The following RIMKLA variants were observed in gnomAD, a reference collection of about 807,000 sequenced individuals.
The protein encoded by RIMKLA is ribosomal modification protein rimK like family member A.
Under a neutral mutation model 32.7 loss-of-function variants are expected in RIMKLA, and 14 were observed. The ratio of observed to expected loss-of-function variants is 0.43; its 90% CI spans 0.28 to 0.67. RIMKLA has a LOEUF of 0.67. Ranked by LOEUF, RIMKLA falls within the 30% of genes least tolerant of loss-of-function variation. The pLI is 0.18. For synonymous variants in RIMKLA, 176 were observed against 204.1 expected (o/e 0.86, Z 1.18); for missense variants, 410 against 519.0 (o/e 0.79, Z 2.04).
At chr1:42,405,253 C>T (rs1293030908) in intron 3 of RIMKLA, among the ~76,000 whole-genome samples, 1 of 152,196 alleles carries the variant, frequency 6.6e-6, no homozygotes, top group Non-Finnish European at 1.5e-5. Flanking sequence ...TTGCTCTTCC[C>T]TTTTTGTTTC....
rs903684989 is a variant in RIMKLA at position 42,416,091 on chromosome 1, G to C, written c.*1117G>C. The C allele has an allele frequency of 3.2e-5, 3 of 95,034 alleles. No individual in the cohort carries two copies. Among genetic ancestry groups the C allele is most frequent in the Non-Finnish European group, 4.7e-5 (2 of 42,720 alleles). The allele number at this position is 95,034 out of a possible 1,614,324, so 5.9% of individuals were successfully genotyped here. A position where few individuals can be genotyped will look rare whatever the true frequency, so the allele number is the denominator to read the frequency against. On this transcript the variant is annotated 3_prime_UTR_variant, in exon 5 of 5. Transcript: ENST00000431473. Reference sequence around the variant, plus strand: ...AATTACCCATTGCACATTTTGCGGGGGGGGGGGCTAATGTAGACATGACAC... The same window carrying C: ...AATTACCCATTGCACATTTTGCGGGCGGGGGGGCTAATGTAGACATGACAC...
intron 3 of RIMKLA, among the ~76,000 whole-genome samples, chr1:42,408,892 T>C (rs1296153099): frequency 6.6e-6 from 1 of 152,116 alleles, no homozygotes; most frequent in Non-Finnish European, 1.5e-5. Context: ...TGCTCAGGTC[T>C]GTTAACTAAT....
At chr1:42,383,365 G>A (rs1020485096) in intron 1 of RIMKLA, among the ~76,000 whole-genome samples, 2 of 152,220 alleles carry the variant, frequency 1.3e-5, no homozygotes, top group African/African-American at 2.4e-5. Flanking sequence ...ATTTGTTATG[G>A]AAGTAGATTA....
rs778494409 is a variant in RIMKLA, at chr1:42,418,119, ACT to A, written c.*3149_*3150del. The A allele has an allele frequency of 1.9e-4, 29 of 151,910 alleles. No homozygotes were observed. The highest frequency in any genetic ancestry group is 3.2e-4 in the Non-Finnish European group (22 of 67,982). 9.4% of individuals were successfully genotyped at this position (151,910 alleles called of 1,614,324 possible). On this transcript the variant is annotated 3_prime_UTR_variant, in exon 5 of 5. Coordinates refer to ENST00000431473, the MANE Select transcript of RIMKLA (RefSeq NM_173642.4). Reference sequence around the variant, plus strand: ...CTGGATGTATCGTATATAACCTGAAACTCTCCACTCTTGTATACCAACTAACA... The same window carrying A: ...CTGGATGTATCGTATATAACCTGAAACTCCACTCTTGTATACCAACTAACA...
At chr1:42,381,789 G>T (rs1309992957) in intron 1 of RIMKLA, among the ~76,000 whole-genome samples, 1 of 152,130 alleles carries the variant, frequency 6.6e-6, no homozygotes, top group Non-Finnish European at 1.5e-5. Context: ...GGTAAGACAT[G>T]GTTGTCATCT....
intron 3 of RIMKLA, among the ~76,000 whole-genome samples, chr1:42,407,738 A>G (rs1169452786): frequency 6.6e-6 from 1 of 152,158 alleles, no homozygotes; most frequent in East Asian, 1.9e-4. Flanking sequence ...GTAAGTTTTG[A>G]GATTGGACCC....
chr1:42,388,050 C>T (rs1269933318), intron 1 of RIMKLA, among the ~76,000 whole-genome samples: 1 of 151,968 alleles, frequency 6.6e-6, no homozygotes, highest in African/African-American at 2.4e-5. Flanking sequence ...CAGGGAATAG[C>T]AAGGGGGCCA....
chr1:42,399,286 G>A (rs1320911851), intron 1 of RIMKLA, 118 bp from the exon 2 acceptor site: 2 of 708,160 alleles, frequency 2.8e-6, no homozygotes, highest in African/African-American at 1.8e-5. Context: ...ATGTCCAGGG[G>A]GCCAATTTTG....
intron 3 of RIMKLA, among the ~76,000 whole-genome samples, chr1:42,408,303 C>T (rs192407390): frequency 4.9e-4 from 75 of 152,334 alleles, no homozygotes; most frequent in African/African-American, 1.7e-3. Flanking sequence ...GGCTGAACTC[C>T]TCCAGCTCTG....
chr1:42,404,487 C>T (rs768868100), intron 2 of RIMKLA, 24 bp from the exon 3 acceptor site: 2 of 1,563,416 alleles, frequency 1.3e-6, no homozygotes, highest in Admixed American at 3.3e-5. Flanking sequence ...CTTACCTTCA[C>T]TGACTTTCAC....
intron 2 of RIMKLA, among the ~76,000 whole-genome samples, chr1:42,402,281 A>G (rs1406141794): frequency 6.6e-6 from 1 of 152,236 alleles, no homozygotes; most frequent in African/African-American, 2.4e-5. Flanking sequence ...AAAGGGAATT[A>G]AGACAGCAGA....
rs1224384679 is a variant in RIMKLA at position 42,419,570 on chromosome 1, CT to C, written c.*4597del. 4 of 152,334 alleles carry C rather than the reference CT, an allele frequency of 2.6e-5. No homozygotes were observed. Among genetic ancestry groups the C allele is most frequent in the Non-Finnish European group, 5.9e-5 (4 of 68,126 alleles). 9.4% of individuals were successfully genotyped at this position (152,334 alleles called of 1,614,324 possible). Reference sequence around the variant, plus strand: ...CATACTGCCAGAGGTAGCTCCATCCCTCCCTGGAATCTAGCACATGCTCCCA... The same window carrying C: ...CATACTGCCAGAGGTAGCTCCATCCCCCCTGGAATCTAGCACATGCTCCCA... On this transcript the variant is annotated 3_prime_UTR_variant, in exon 5 of 5. Transcript: ENST00000431473.
intron 4 of RIMKLA, among the ~76,000 whole-genome samples, chr1:42,410,487 G>A (rs1193284981): frequency 1.3e-5 from 2 of 152,154 alleles, no homozygotes; most frequent in Non-Finnish European, 2.9e-5. Context: ...CTCCCATCTG[G>A]GTAAAGGATG....
At chr1:42,398,193 T>C (rs1311310834) in intron 1 of RIMKLA, among the ~76,000 whole-genome samples, 1 of 152,192 alleles carries the variant, frequency 6.6e-6, no homozygotes, top group Admixed American at 6.5e-5. Flanking sequence ...TATGGATATC[T>C]CTGTCTCCTG....
rs1286573266 is a variant in RIMKLA, at chr1:42,421,308, C to T, written c.*6334C>T. 6.6e-6 allele frequency: 1 copy of T among 152,086 alleles called. No homozygotes were observed. The highest frequency in any genetic ancestry group is 6.6e-5 in the Admixed American group (1 of 15,260). The allele number at this position is 152,086 out of a possible 1,614,324, so 9.4% of individuals were successfully genotyped here. ...CTTCCTGTATTAGGTTTGCTGGCTT[C>T]GCATCAAATGGAAGGAGGTGGTGCC... On this transcript the variant is annotated 3_prime_UTR_variant, in exon 5 of 5. Coordinates refer to ENST00000431473, the MANE Select transcript of RIMKLA (RefSeq NM_173642.4). The surrounding 1 kb of genome is among the most constrained non-coding windows in gnomAD (Gnocchi z 4.6).
rs914173912 is a variant in RIMKLA, at chr1:42,415,212, G to T, written c.*238G>T. ...ACTGATCAGTATGAGACTGATGTCT[G>T]CTGTGAGCACGTGGATATTACGGCT... On this transcript the variant is annotated 3_prime_UTR_variant, in exon 5 of 5. Transcript: ENST00000431473. The T allele has an allele frequency of 2.2e-6, 1 of 459,168 alleles. No homozygotes were observed. The highest frequency in any genetic ancestry group is 3.9e-6 in the Non-Finnish European group (1 of 259,280). 28.4% of individuals were successfully genotyped at this position (459,168 alleles called of 1,614,324 possible).
At chr1:42,388,681 C>T (rs2148384602) in intron 1 of RIMKLA, among the ~76,000 whole-genome samples, 1 of 152,064 alleles carries the variant, frequency 6.6e-6, no homozygotes, top group East Asian at 1.9e-4. Context: ...ACCGTACTGG[C>T]TGATTTTTGT....
At position 42,385,895 on chromosome 1, in the gene RIMKLA, T is replaced by TTTCTTTCC. The variant is rs1557750118; in HGVS notation, c.163+4801_163+4802insTTTCCTTC. On this transcript the variant is annotated intron_variant, in intron 1 of 4. Coordinates refer to ENST00000431473, the MANE Select transcript of RIMKLA (RefSeq NM_173642.4). ...CTTTCTTTCTTTCTTTCTTTCTTTC[T>TTTCTTTCC]TTCCTTCTTTCCTTCTTTCCTTCTT... 5.3e-5 allele frequency among the ~76,000 whole-genome samples: 5 copies of TTTCTTTCC among 94,046 alleles called. No homozygotes were observed. In the East Asian group the frequency reaches 1.0e-3, roughly 19 times the overall value. 61.7% of individuals were successfully genotyped at this position (94,046 alleles called of 152,430 possible).
intron 1 of RIMKLA, among the ~76,000 whole-genome samples, chr1:42,385,899 C>CTTTCTTTCT (rs1557750139): frequency 2.1e-4 from 5 of 24,028 alleles, no homozygotes; most frequent in Admixed American, 4.7e-4. Flanking sequence ...TCTTTCTTTC[C>CTTTCTTTCT]TTCTTTCCTT....
Sources: allele counts gnomAD v4.1 joint callset (sites outside exome capture counted in the v4.1 genomes callset), GRCh38; gene constraint gnomAD v4.1.1; non-coding constraint Gnocchi (gnomAD v3.1); transcripts MANE v1.5; gene names NCBI Gene and HGNC (gene_info 2026-07-23, HGNC 2026-07-21).